Variants in EED observed in about 807,000 individuals in gnomAD.
EED encodes polycomb protein EED.
Under a neutral mutation model 61.0 loss-of-function variants are expected in EED, and 9 were observed. The ratio of observed to expected loss-of-function variants is 0.15; its 90% CI spans 0.09 to 0.26. The LOEUF (loss-of-function observed/expected upper bound fraction) is 0.26. Ranked by LOEUF, EED falls within the 10% of genes least tolerant of loss-of-function variation. EED has a pLI of 1.00. For synonymous variants in EED, 187 were observed against 174.4 expected, an observed-to-expected ratio of 1.07 and a Z score of -0.57; for missense variants, 315 against 542.3, an observed-to-expected ratio of 0.58 and a Z score of 4.16.
chr11:86,251,804 G>A (rs952216688), intron 2 of EED, among the ~76,000 whole-genome samples: 48 of 152,170 alleles, frequency 3.2e-4, no homozygotes, highest in African/African-American at 1.2e-3. Context: ...AATAAATTGT[G>A]TCCTTTTGTA....
chr11:86,271,870 T>C (rs920363850), intron 9 of EED, among the ~76,000 whole-genome samples: 1 of 151,106 alleles, frequency 6.6e-6, no homozygotes, highest in African/African-American at 2.4e-5. Flanking sequence ...TTTGTATTGC[T>C]GAGTTCTGTT....
intron 9 of EED, among the ~76,000 whole-genome samples, chr11:86,273,741 A>G (rs959671208): frequency 3.0e-4 from 46 of 152,228 alleles, no homozygotes; most frequent in African/African-American, 1.1e-3. Flanking sequence ...TTTGGCCTCC[A>G]TAATTCCGAT....
At chr11:86,269,530 T>G (rs1385943224) in intron 9 of EED, among the ~76,000 whole-genome samples, 1 of 152,224 alleles carries the variant, frequency 6.6e-6, no homozygotes, top group East Asian at 1.9e-4. Flanking sequence ...ATGTGTAAAC[T>G]GTTTTTTTCT....
chr11:86,250,321 G>T lies in EED; in HGVS notation c.140G>T (p.Gly47Val), dbSNP rs769007751. 11 of 1,595,504 alleles carry T rather than the reference G, an allele frequency of 6.9e-6. No homozygotes were observed. Among genetic ancestry groups the T allele is most frequent in the Non-Finnish European group, 6.8e-6 (8 of 1,172,766 alleles). The change falls in exon 2 of 12, where the codon GGT (glycine) becomes GTT (valine). Residue 47 changes from glycine to valine, a missense_variant. Gly to Val is a moderately radical substitution (Grantham distance 109). This residue lies in a region of EED where 110 missense variants were observed against 86.9 expected (regional missense o/e 1.27). Transcript: ENST00000263360. Reference protein sequence around the residue: ...ENDDAVSIESGTNTERPDTPT... With the variant: ...ENDDAVSIESVTNTERPDTPT... ...GATGACGCTGTCAGTATAGAAAGTG[G>T]TACAAACACTGAACGCCCTGATACA...
At chr11:86,257,358 T>TCC (rs1192099004) in intron 5 of EED, among the ~76,000 whole-genome samples, 157 bp from the exon 6 acceptor site, 1 of 149,300 alleles carries the variant, frequency 6.7e-6, no homozygotes, top group African/African-American at 2.5e-5. Context: ...TTTTTTTTTT[T>TCC]CCTTTTCACC....
At chr11:86,250,527 G>C in intron 2 of EED, 79 bp downstream of exon 2, 1 of 1,373,562 alleles carries the variant, frequency 7.3e-7, no homozygotes, top group Non-Finnish European at 9.5e-7. Flanking sequence ...TTCGTACTCA[G>C]GATACTCTGT....
chr11:86,260,956 A>G (rs1489743754), intron 6 of EED, among the ~76,000 whole-genome samples: 1 of 151,902 alleles, frequency 6.6e-6, no homozygotes, highest in Non-Finnish European at 1.5e-5. Flanking sequence ...TAATTCATTC[A>G]TAAGAGTGGT....
chr11:86,261,551 C>T (rs1460237927), intron 6 of EED, among the ~76,000 whole-genome samples: 1 of 152,198 alleles, frequency 6.6e-6, no homozygotes, highest in East Asian at 1.9e-4. Context: ...CATGGCTCCA[C>T]CAGGTGTTGC....
intron 4 of EED, 116 bp downstream of exon 4, chr11:86,255,403 T>G: frequency 1.3e-6 from 1 of 794,648 alleles, no homozygotes; most frequent in Non-Finnish European, 2.0e-6. Context: ...CTTAACCGAT[T>G]TCTTCACTAT....
At chr11:86,279,292 G>A (rs2138243690), downstream of EED, among the ~76,000 whole-genome samples, 1 of 152,312 alleles carries the variant, frequency 6.6e-6, no homozygotes, top group East Asian at 1.9e-4. Flanking sequence ...GGGCAAAGGA[G>A]GAGAGGATAT....
intron 1 of EED, among the ~76,000 whole-genome samples, chr11:86,247,876 G>T (rs1945429923): frequency 6.6e-6 from 1 of 152,212 alleles, no homozygotes; most frequent in South Asian, 2.1e-4. Context: ...GTGAGTCAGA[G>T]AATTACAGGC....
intron 8 of EED, among the ~76,000 whole-genome samples, chr11:86,267,191 T>A (rs1946001425): frequency 6.6e-6 from 1 of 152,342 alleles, no homozygotes; most frequent in East Asian, 1.9e-4. Flanking sequence ...CATACAATTA[T>A]AGTATGTATT....
downstream of EED, among the ~76,000 whole-genome samples, chr11:86,282,743 A>G (rs139117123): frequency 1.8e-4 from 28 of 152,316 alleles, no homozygotes; most frequent in African/African-American, 6.3e-4. Flanking sequence ...CTTGCCATAC[A>G]GTCTCGTCAT....
At chr11:86,263,645 T>A (rs1945899048) in intron 6 of EED, among the ~76,000 whole-genome samples, 2 of 152,150 alleles carry the variant, frequency 1.3e-5, no homozygotes, top group African/African-American at 2.4e-5. Flanking sequence ...CCTTCTGAAG[T>A]GCTGGGGTTA....
intron 2 of EED, 25 bp from the exon 3 acceptor site, chr11:86,252,123 T>C (rs1165128805): frequency 6.3e-7 from 1 of 1,587,692 alleles, no homozygotes; most frequent in African/African-American, 1.3e-5. Flanking sequence ...CATTAATCTT[T>C]TCTTATTTCA....
At chr11:86,261,506 C>T (rs975691067) in intron 6 of EED, among the ~76,000 whole-genome samples, 1 of 152,210 alleles carries the variant, frequency 6.6e-6, no homozygotes, top group Non-Finnish European at 1.5e-5. Context: ...CCTGGTAGCT[C>T]AGCAGTTCTG....
chr11:86,276,914 G>A, intron 9 of EED, 66 bp from the exon 10 acceptor site: 1 of 1,363,990 alleles, frequency 7.3e-7, no homozygotes, highest in Non-Finnish European at 9.6e-7. Context: ...GAAAAGCCTT[G>A]TTTTTACTTT....
Position 86,261,049 on chromosome 11 carries a change from G to C in EED, c.635-3123G>C, listed in dbSNP as rs1479282479. ...ATTAAGTTTCCCAACCTGCTTTTTC[G>C]GGGGTTCATTTAAGCTGTAGCATTC... On this transcript the variant is annotated intron_variant, in intron 6 of 11. Transcript: ENST00000263360. Among the ~76,000 whole-genome samples, 4 of 151,872 alleles carry C rather than the reference G, an allele frequency of 2.6e-5. No individual in the cohort carries two copies. In the East Asian group the frequency reaches 7.7e-4, roughly 29 times the overall value.
chr11:86,270,355 G>GTTTT (rs55640335), intron 9 of EED, among the ~76,000 whole-genome samples: 1 of 128,584 alleles, frequency 7.8e-6, no homozygotes. Flanking sequence ...TTTTTGTTGT[G>GTTTT]TTTTTTTTTT....
Sources: gnomAD v4.1 joint callset for allele counts (sites outside exome capture counted in the v4.1 genomes callset) on GRCh38, gnomAD v4.1.1 for gene constraint, gnomAD v4.1.1 regional missense constraint, MANE v1.5 for transcripts, NCBI Gene and HGNC (gene_info 2026-07-23, HGNC 2026-07-21) for gene names.